Variants in ANKMY1 observed in about 807,000 individuals in gnomAD.
ANKMY1 encodes the protein ankyrin repeat and MYND domain-containing protein 1.
Under a neutral mutation model 102.0 loss-of-function variants are expected in ANKMY1, and 98 were observed. The ratio of observed to expected loss-of-function variants is 0.96; its 90% confidence interval spans 0.82 to 1.14. ANKMY1 has a LOEUF of 1.14. Among genes scored for constraint, ANKMY1 ranks in the 50% most tolerant of loss-of-function variants. The pLI is 0.00. For missense variants in ANKMY1, 1,330 were observed against 1,347.6 expected, an observed-to-expected ratio of 0.99 and a Z score of 0.20; for synonymous variants, 582 against 559.9, an observed-to-expected ratio of 1.04 and a Z score of -0.56.
Position 240,524,017 on chromosome 2 carries a change from G to A in ANKMY1, c.1700C>T (p.Ser567Phe), listed in dbSNP as rs1378824015. ...FESNVCVCDF[S>F]IELSQAMLER... ...CAGCATGGCCTGCGAGAGCTCGATG[G>A]AGAAGTCGCACACACACACGTTGGA... is the stretch of plus-strand genomic sequence containing the variant. Residue 567 changes from serine to phenylalanine, a missense_variant, in exon 8 of 18, where the codon TCC becomes TTC. By Grantham distance (155) the Ser-to-Phe change is radical. Coordinates refer to ENST00000401804, the MANE Select transcript of ANKMY1 (RefSeq NM_001282771.3). 1 of 1,613,838 alleles carries A rather than the reference G, an allele frequency of 6.2e-7. No homozygotes were observed. The highest frequency in any genetic ancestry group is 1.3e-5 in the African/African-American group (1 of 74,938).
chr2:240,557,801 G>GC (rs902054485), intron 1 of ANKMY1, 80 bp downstream of exon 1: 33 of 901,332 alleles, frequency 3.7e-5, no homozygotes, highest in African/African-American at 1.3e-4. Context: ...CGAGCCTGGC[G>GC]CCCCCCCGCA....
intron 9 of ANKMY1, among the ~76,000 whole-genome samples, chr2:240,518,736 C>T (rs181641881): frequency 3.3e-5 from 5 of 152,148 alleles, no homozygotes; most frequent in Admixed American, 6.5e-5. Flanking sequence ...GAAGGATGTC[C>T]GTGCCCAGTT....
intron 3 of ANKMY1, chr2:240,553,975 T>C (rs1186203778): frequency 6.6e-6 from 1 of 152,094 alleles, no homozygotes; most frequent in Non-Finnish European, 1.5e-5. Flanking sequence ...GCACCACCTT[T>C]TTCTCAGAAA....
At chr2:240,471,723 C>G in the ANKMY1 span, among the ~76,000 whole-genome samples, 1 of 152,150 alleles carries the variant, frequency 6.6e-6, no homozygotes, top group Admixed American at 6.5e-5. Context: ...TTCGTGGGAG[C>G]CTCAGGACTC....
At chr2:240,484,400 C>T (rs1234477497) in intron 15 of ANKMY1, among the ~76,000 whole-genome samples, 2 of 152,202 alleles carry the variant, frequency 1.3e-5, no homozygotes, top group African/African-American at 2.4e-5. Context: ...TAATGCCATA[C>T]ATCTACAACC....
chr2:240,509,759 G>A (rs544832123), intron 11 of ANKMY1, among the ~76,000 whole-genome samples: 1 of 152,230 alleles, frequency 6.6e-6, no homozygotes, highest in Middle Eastern at 3.4e-3. Context: ...AGAGGACAAG[G>A]GACAGTCCAG....
rs754606768 is a variant in ANKMY1 at position 240,500,059 on chromosome 2, G to A, written c.2705C>T (p.Ala902Val). ...LMPAERETFL[A>V]RKRLLEYMGL... ...CATGTACTCCAGGAGCCGCTTCCGC[G>A]CCAGGAACGTCTCGCGCTCTGCTGG... The change falls in exon 15 of 18, where the codon GCG (alanine) becomes GTG (valine). Residue 902 changes from alanine to valine, a missense_variant. Physicochemically the swap from Ala to Val is moderately conservative, Grantham distance 64. Transcript: ENST00000401804. The A allele has an allele frequency of 2.1e-5, 34 of 1,612,312 alleles. No individual in the cohort carries two copies. Among genetic ancestry groups the A allele is most frequent in the Middle Eastern group, 3.3e-4 (2 of 6,082 alleles).
chr2:240,514,570 G>A (rs548049651), intron 9 of ANKMY1, among the ~76,000 whole-genome samples: 2 of 152,294 alleles, frequency 1.3e-5, no homozygotes, highest in Middle Eastern at 6.8e-3. Flanking sequence ...AATCAAGAGG[G>A]TAACATGGTG....
At chr2:240,540,223 T>A (rs1185364320) in intron 4 of ANKMY1, among the ~76,000 whole-genome samples, 1 of 152,230 alleles carries the variant, frequency 6.6e-6, no homozygotes, top group African/African-American at 2.4e-5. Flanking sequence ...CAATGTGTGT[T>A]TTCCATGTAT....
chr2:240,522,452 A>G (rs1207403505), intron 8 of ANKMY1: 1 of 152,242 alleles, frequency 6.6e-6, no homozygotes, highest in East Asian at 1.9e-4. Flanking sequence ...CCTTGGTGGA[A>G]GTGAGTGGAG....
Position 240,554,896 on chromosome 2 carries a change from T to A in ANKMY1, c.306A>T (p.Gly102=), listed in dbSNP as rs770988175. 5 of 1,613,974 alleles carry A rather than the reference T, an allele frequency of 3.1e-6. No individual in the cohort carries two copies. Among genetic ancestry groups the A allele is most frequent in the Non-Finnish European group, 2.5e-6 (3 of 1,180,012 alleles). The change falls in exon 3 of 18, where the codon GGA becomes GGT. Residue 102 remains glycine (G), a synonymous_variant. Coordinates refer to ENST00000401804, the MANE Select transcript of ANKMY1 (RefSeq NM_001282771.3). ...CTGTGGGCCAAGAGAATTTGCCATA[T>A]CCAAGCTTCATGTTCAACCCAAACT... ...QGEFGLNMKL[G]YGKFSWPTGE... is the part of the protein sequence containing the mutation.
chr2:240,494,735 C>T (rs2077032046), intron 15 of ANKMY1, among the ~76,000 whole-genome samples: 1 of 152,024 alleles, frequency 6.6e-6, no homozygotes, highest in South Asian at 2.1e-4. Context: ...CCTATATTCG[C>T]TTCAAGGGTT....
At chr2:240,471,816 C>T in the ANKMY1 span, among the ~76,000 whole-genome samples, 11 of 152,290 alleles carry the variant, frequency 7.2e-5, no homozygotes, top group East Asian at 1.7e-3. Flanking sequence ...GGTTGCAGCT[C>T]GCCAAATGGG....
At chr2:240,476,308 G>GACCCTTATCTTACACCATAT (rs1303384514), downstream of ANKMY1, among the ~76,000 whole-genome samples, 1 of 152,036 alleles carries the variant, frequency 6.6e-6, no homozygotes, top group Admixed American at 6.5e-5. Context: ...AGAGAAATTG[G>GACCCTTATCTTACACCATAT]ACCCTTATCT....
chr2:240,487,695 A>T (rs2076207137), intron 15 of ANKMY1, among the ~76,000 whole-genome samples: 1 of 152,000 alleles, frequency 6.6e-6, no homozygotes, highest in African/African-American at 2.4e-5. Context: ...ATGATTAGTG[A>T]TGTTGAGCTA....
At chr2:240,473,478 C>CAA in the ANKMY1 span, among the ~76,000 whole-genome samples, 75,240 of 134,562 alleles carry the variant, frequency 0.56, 21,291 homozygotes, top group African/African-American at 0.69. Context: ...ACCAATTAAC[C>CAA]AAAAAAAAAA....
chr2:240,552,281 C>T (rs2091651600), intron 4 of ANKMY1, among the ~76,000 whole-genome samples: 1 of 152,068 alleles, frequency 6.6e-6, no homozygotes, highest in Non-Finnish European at 1.5e-5. Flanking sequence ...CATATTGGCT[C>T]AGAATAAACC....
chr2:240,508,759 G>GATGA (rs71049505), intron 12 of ANKMY1, among the ~76,000 whole-genome samples: 100 of 151,276 alleles, frequency 6.6e-4, no homozygotes, highest in Admixed American at 1.4e-3. Context: ...ATGATAGATG[G>GATGA]ATGAATGAAT....
chr2:240,472,641 C>T, the ANKMY1 span, among the ~76,000 whole-genome samples: 1 of 152,170 alleles, frequency 6.6e-6, no homozygotes, highest in African/African-American at 2.4e-5. Context: ...CCTGAATAGA[C>T]TCACCAACCA....
Sources: gnomAD v4.1 joint callset for allele counts (sites outside exome capture counted in the v4.1 genomes callset) on GRCh38, gnomAD v4.1.1 for gene constraint, MANE v1.5 for transcripts, NCBI Gene and HGNC (gene_info 2026-07-23, HGNC 2026-07-21) for gene names.